The following ARHGEF12 variants were observed in gnomAD, a reference collection of about 807,000 sequenced individuals.
The protein encoded by ARHGEF12 is KMT2A/ARHGEF12 fusion protein.
ARHGEF12 carries 66 observed loss-of-function variants against 211.2 expected under a neutral mutation model. The ratio of observed to expected loss-of-function variants is 0.31; its 90% CI spans 0.26 to 0.38. ARHGEF12 has a LOEUF of 0.38. ARHGEF12 is among the 10% of genes least tolerant of loss of function. The pLI, the probability that ARHGEF12 is intolerant of heterozygous loss-of-function variation, is 1.00. For synonymous variants in ARHGEF12, 592 were observed against 638.4 expected, an observed-to-expected ratio of 0.93 and a Z score of 1.09; for missense variants, 1,429 against 1,869.5, an observed-to-expected ratio of 0.76 and a Z score of 4.34.
intron 21 of ARHGEF12, chr11:120,449,490 G>A: frequency 3.1e-6 from 1 of 318,550 alleles, no homozygotes; most frequent in Non-Finnish European, 5.8e-6. Flanking sequence ...CACAAGTTCA[G>A]GAGATCGAGA....
At chr11:120,370,337 C>T (rs1591511042) in intron 1 of ARHGEF12, among the ~76,000 whole-genome samples, 2 of 152,150 alleles carry the variant, frequency 1.3e-5, no homozygotes, top group African/African-American at 4.8e-5. Flanking sequence ...CTAATCTTTT[C>T]CCTTGGTTTG....
At chr11:120,401,146 C>T (rs148714039) in intron 1 of ARHGEF12, among the ~76,000 whole-genome samples, 49 of 152,310 alleles carry the variant, frequency 3.2e-4, no homozygotes, top group African/African-American at 1.1e-3. Context: ...TTGTAGATAA[C>T]GTTCAGACTT....
intron 14 of ARHGEF12, 48 bp downstream of exon 14, chr11:120,441,865 A>T (rs1218711403): frequency 6.5e-7 from 1 of 1,543,180 alleles, no homozygotes; most frequent in East Asian, 2.2e-5. Flanking sequence ...CTGTTGATTC[A>T]TGTGCCATAG....
At chr11:120,414,171 A>G (rs1341483484) in intron 4 of ARHGEF12, among the ~76,000 whole-genome samples, 1 of 152,228 alleles carries the variant, frequency 6.6e-6, no homozygotes, top group Non-Finnish European at 1.5e-5. Flanking sequence ...TTGATATAAC[A>G]TCTTTACTTC....
intron 30 of ARHGEF12, among the ~76,000 whole-genome samples, chr11:120,472,052 C>T (rs914112105): frequency 1.3e-5 from 2 of 152,056 alleles, no homozygotes; most frequent in Admixed American, 1.3e-4. Flanking sequence ...ATCCTGTAGT[C>T]ATTTATAAAA....
At chr11:120,421,396 G>A (rs1372772756) in intron 5 of ARHGEF12, among the ~76,000 whole-genome samples, 1 of 147,992 alleles carries the variant, frequency 6.8e-6, no homozygotes, top group Non-Finnish European at 1.5e-5. Context: ...GGCAGAAGCA[G>A]CATTTGAATG....
chr11:120,477,066 T>C, intron 34 of ARHGEF12, 153 bp from the exon 35 acceptor site: 1 of 671,014 alleles, frequency 1.5e-6, no homozygotes, highest in Admixed American at 2.8e-5. Flanking sequence ...AAAGATATTC[T>C]CTGGCAGAGT....
At chr11:120,437,493 AAAAATT>A (rs1281428694) in intron 12 of ARHGEF12, 111 bp downstream of exon 12, 2 of 681,354 alleles carry the variant, frequency 2.9e-6, no homozygotes, top group Admixed American at 3.9e-5. Context: ...TTTTTGGAAA[AAAAATT>A]AAAATTTATT....
At chr11:120,346,323 C>T (rs916752840) in intron 1 of ARHGEF12, among the ~76,000 whole-genome samples, 3 of 152,252 alleles carry the variant, frequency 2.0e-5, no homozygotes, top group South Asian at 2.1e-4. Flanking sequence ...CATTGCTTCA[C>T]GTTTCTTATT....
chr11:120,424,533 A>C (rs1401683500), intron 7 of ARHGEF12, 118 bp downstream of exon 7: 6 of 686,604 alleles, frequency 8.7e-6, no homozygotes, highest in South Asian at 2.1e-5. Flanking sequence ...TATATAGTCT[A>C]CTGCCGACTC....
intron 7 of ARHGEF12, among the ~76,000 whole-genome samples, chr11:120,424,622 C>A (rs1408426415): frequency 3.9e-5 from 6 of 152,140 alleles, no homozygotes; most frequent in Non-Finnish European, 8.8e-5. Context: ...ACTTTATTTG[C>A]CAAAAGTCTG....
At chr11:120,349,274 G>A (rs1422833034) in intron 1 of ARHGEF12, among the ~76,000 whole-genome samples, 1 of 151,970 alleles carries the variant, frequency 6.6e-6, no homozygotes, top group Non-Finnish European at 1.5e-5. Flanking sequence ...AAGGAACCAG[G>A]TACAATTCTG....
At chr11:120,404,037 T>G (rs1480599766) in intron 1 of ARHGEF12, among the ~76,000 whole-genome samples, 1 of 152,226 alleles carries the variant, frequency 6.6e-6, no homozygotes, top group Non-Finnish European at 1.5e-5. Context: ...TTTCTTAATC[T>G]CCTACCTCCA....
At chr11:120,480,472 CATT>C (rs1167589169) in intron 38 of ARHGEF12, 42 bp downstream of exon 38, 1 of 1,549,256 alleles carries the variant, frequency 6.5e-7, no homozygotes, top group Admixed American at 1.8e-5. Context: ...TGATTTTGAT[CATT>C]GTTAACTGTC....
intron 1 of ARHGEF12, among the ~76,000 whole-genome samples, chr11:120,388,501 A>C (rs1944108760): frequency 6.6e-6 from 1 of 152,196 alleles, no homozygotes; most frequent in African/African-American, 2.4e-5. Context: ...GAATGGCTGG[A>C]TTATATGGTA....
chr11:120,485,321 T>G lies in ARHGEF12; in HGVS notation c.*244T>G, dbSNP rs977318933. The stretch of plus-strand genomic sequence containing the variant: ...ACTCTACTCTCCTCACTATCGGAAA[T>G]TCATTTTGATTCAGAATAAAAACCA... On this transcript the variant is annotated 3_prime_UTR_variant, in exon 41 of 41. Coordinates refer to ENST00000397843, the MANE Select transcript of ARHGEF12 (RefSeq NM_015313.3). 3.3e-5 allele frequency: 14 copies of G among 422,762 alleles called. No individual in the cohort carries two copies. Among genetic ancestry groups the G allele is most frequent in the Non-Finnish European group, 6.0e-5 (14 of 235,180 alleles). The allele number at this position is 422,762 out of a possible 1,614,324, so 26.2% of individuals were successfully genotyped here.
At chr11:120,410,690 T>G (rs990628131) in intron 4 of ARHGEF12, 2 of 152,184 alleles carry the variant, frequency 1.3e-5, no homozygotes, top group African/African-American at 4.8e-5. Flanking sequence ...GTTCTTTACT[T>G]GGGTTTTTGT....
rs1947436836 is a variant in ARHGEF12, at chr11:120,487,891, A to G, written c.*2814A>G. 1.4e-5 allele frequency: 3 copies of G among 219,626 alleles called. No individual in the cohort carries two copies. Among genetic ancestry groups the G allele is most frequent in the East Asian group, 6.7e-5 (1 of 14,970 alleles). 13.6% of individuals were successfully genotyped at this position (219,626 alleles called of 1,614,324 possible). ...TCATGATTACCACCTTCGAAGCTAT[A>G]TATTTTGCATACTTTAAAATCACCT... On this transcript the variant is annotated 3_prime_UTR_variant, in exon 41 of 41. Transcript: ENST00000397843.
At position 120,406,124 on chromosome 11, in the gene ARHGEF12, C is replaced by A; in HGVS notation, c.39C>A (p.Pro13=). 1 of 1,536,338 alleles carries A rather than the reference C, an allele frequency of 6.5e-7. No individual in the cohort carries two copies. Among genetic ancestry groups the A allele is most frequent in the Non-Finnish European group, 8.7e-7 (1 of 1,146,316 alleles). The change falls in exon 2 of 41, where the codon CCC becomes CCA. Residue 13 remains proline, a synonymous_variant. Coordinates refer to ENST00000397843, the MANE Select transcript of ARHGEF12 (RefSeq NM_015313.3). ...GTQSTITDRF[P]LKKPIRHGSI... is the part of the protein sequence containing the mutation. ...TATTTTTTCTTTGTTTCAGGTTTCCCCTCAAAAAACCTATAAGGTAAGTTT... is the reference window on the plus strand; with the variant it reads ...TATTTTTTCTTTGTTTCAGGTTTCCACTCAAAAAACCTATAAGGTAAGTTT...
Sources: gnomAD v4.1 joint callset for allele counts (sites outside exome capture counted in the v4.1 genomes callset) on GRCh38, gnomAD v4.1.1 for gene constraint, MANE v1.5 for transcripts, NCBI Gene and HGNC (gene_info 2026-07-23, HGNC 2026-07-21) for gene names.